The following ADAM22 variants were observed in gnomAD, a reference collection of about 807,000 sequenced individuals.
ADAM22 encodes the protein disintegrin and metalloproteinase domain-containing protein 22.
ADAM22 carries 65 observed loss-of-function variants against 144.6 expected under a neutral mutation model. The ratio of observed to expected loss-of-function variants is 0.45; its 90% CI spans 0.37 to 0.55. The LOEUF (loss-of-function observed/expected upper bound fraction) is 0.55, where lower values mean the gene tolerates loss of function less well. Among genes scored for constraint, ADAM22 ranks in the 20% least tolerant of loss-of-function variants. The pLI, the probability that ADAM22 is intolerant of heterozygous loss-of-function variation, is 0.00. For synonymous variants in ADAM22, 391 were observed against 412.6 expected, an observed-to-expected ratio of 0.95 and a Z score of 0.63; for missense variants, 974 against 1,184.9, an observed-to-expected ratio of 0.82 and a Z score of 2.61.
chr7:88,066,642 AAG>A (rs1290189280), intron 3 of ADAM22, among the ~76,000 whole-genome samples: 1 of 152,240 alleles, frequency 6.6e-6, no homozygotes, highest in South Asian at 2.1e-4. Context: ...ATCACCGAGG[AAG>A]AGAGTGTCAA....
At chr7:88,147,992 A>G (rs1837053486) in intron 17 of ADAM22, among the ~76,000 whole-genome samples, 1 of 152,180 alleles carries the variant, frequency 6.6e-6, no homozygotes, top group South Asian at 2.1e-4. Flanking sequence ...ACGTTATTAA[A>G]TATTTGATGA....
chr7:88,072,829 G>A (rs1236382781), intron 3 of ADAM22, among the ~76,000 whole-genome samples: 1 of 152,170 alleles, frequency 6.6e-6, no homozygotes, highest in Admixed American at 6.5e-5. Flanking sequence ...AAGGTTGGAG[G>A]ACAGTCCTTT....
At chr7:88,024,886 A>G (rs946143371) in intron 3 of ADAM22, among the ~76,000 whole-genome samples, 1 of 152,058 alleles carries the variant, frequency 6.6e-6, no homozygotes, top group Non-Finnish European at 1.5e-5. Context: ...TGAACTCATC[A>G]TTTTTTATGG....
chr7:88,029,810 G>C (rs978328469), intron 3 of ADAM22, among the ~76,000 whole-genome samples: 1 of 151,786 alleles, frequency 6.6e-6, no homozygotes, highest in African/African-American at 2.4e-5. Flanking sequence ...CTCTCTTCTA[G>C]CCTATAAGAT....
chr7:88,044,232 A>T (rs1803918649), intron 3 of ADAM22, among the ~76,000 whole-genome samples: 1 of 152,184 alleles, frequency 6.6e-6, no homozygotes, highest in South Asian at 2.1e-4. Flanking sequence ...AGTGGTTTAA[A>T]ATTAACTTAA....
At chr7:88,017,815 G>A (rs1275129725) in intron 3 of ADAM22, among the ~76,000 whole-genome samples, 2 of 151,804 alleles carry the variant, frequency 1.3e-5, no homozygotes. Context: ...ATATATATGT[G>A]TGTGTGTGTA....
intron 4 of ADAM22, among the ~76,000 whole-genome samples, chr7:88,077,516 T>C (rs1352236256): frequency 6.6e-6 from 1 of 152,156 alleles, no homozygotes; most frequent in Non-Finnish European, 1.5e-5. Context: ...GGGTGCAGTG[T>C]ACCGTGCGTG....
rs116271278 is a variant in ADAM22 at position 87,959,530 on chromosome 7, G to A, written c.247-18806G>A. Among the ~76,000 whole-genome samples the A allele has an allele frequency of 3.1e-3, 478 of 152,104 alleles. 3 individuals are homozygous for A. Among genetic ancestry groups the A allele is most frequent in the African/African-American group, 0.011 (442 of 41,498 alleles). Reference sequence around the variant, plus strand: ...CAATTTGCTCTCTGGTGCTAGTTTTGGATCTAGCTTTGGTCTCACTGCAGG... The same window carrying A: ...CAATTTGCTCTCTGGTGCTAGTTTTAGATCTAGCTTTGGTCTCACTGCAGG... On this transcript the variant is annotated intron_variant, in intron 2 of 31. Coordinates refer to ENST00000413139, the MANE Select transcript of ADAM22 (RefSeq NM_001324418.2).
chr7:88,177,298 A>C (rs1006831457), intron 26 of ADAM22, among the ~76,000 whole-genome samples: 5 of 151,984 alleles, frequency 3.3e-5, no homozygotes, highest in African/African-American at 1.2e-4. Flanking sequence ...CTAATGGAAT[A>C]TTTTACTGAT....
Position 88,162,097 on chromosome 7 carries a change from TACACACACACAC to T in ADAM22, c.1908-890_1908-879del, listed in dbSNP as rs61053925. Among the ~76,000 whole-genome samples, 685 of 136,830 alleles carry T rather than the reference TACACACACACAC, an allele frequency of 5.0e-3. 8 individuals are homozygous for T. The highest frequency in any genetic ancestry group is 0.015 in the African/African-American group (546 of 35,810). 89.8% of individuals were successfully genotyped at this position (136,830 alleles called of 152,430 possible). On this transcript the variant is annotated intron_variant, in intron 22 of 31. Transcript: ENST00000413139. ...CAGACTGGATAAAGAAAATGTGTAATACACACACACACACACACACACACACACACACACACC... is the reference window on the plus strand; with the variant it reads ...CAGACTGGATAAAGAAAATGTGTAATACACACACACACACACACACACACC...
chr7:88,154,618 T>C, intron 21 of ADAM22, among the ~76,000 whole-genome samples: 3 of 152,294 alleles, frequency 2.0e-5, no homozygotes, highest in Middle Eastern at 6.8e-3. Flanking sequence ...TCTTCTTATT[T>C]AGAGTATAAT....
intron 30 of ADAM22, among the ~76,000 whole-genome samples, chr7:88,186,931 T>G (rs974230965): frequency 2.0e-5 from 3 of 152,224 alleles, no homozygotes; most frequent in Non-Finnish European, 2.9e-5. Context: ...TTAGTGCATG[T>G]CCCTATCACC....
At chr7:87,995,060 C>T (rs1292272677) in intron 3 of ADAM22, among the ~76,000 whole-genome samples, 2 of 152,172 alleles carry the variant, frequency 1.3e-5, no homozygotes, top group Non-Finnish European at 2.9e-5. Flanking sequence ...CCTCGTGATC[C>T]ACTCGGCTCG....
At chr7:87,996,449 C>T (rs1484590076) in intron 3 of ADAM22, among the ~76,000 whole-genome samples, 1 of 152,154 alleles carries the variant, frequency 6.6e-6, no homozygotes, top group African/African-American at 2.4e-5. Context: ...TTTCATGTCT[C>T]TTCTTATAAG....
chr7:88,184,188 T>C (rs992439570), intron 29 of ADAM22: 1 of 198,640 alleles, frequency 5.0e-6, no homozygotes, highest in Non-Finnish European at 1.1e-5. Context: ...CCTCATATAT[T>C]GTATTGTTTT....
At chr7:87,997,420 A>T (rs1374770156) in intron 3 of ADAM22, among the ~76,000 whole-genome samples, 3 of 152,236 alleles carry the variant, frequency 2.0e-5, no homozygotes, top group African/African-American at 4.8e-5. Context: ...CATGGGTCAG[A>T]AGTCTGGGTA....
chr7:88,042,633 T>C (rs1249837170), intron 3 of ADAM22, among the ~76,000 whole-genome samples: 1 of 151,918 alleles, frequency 6.6e-6, no homozygotes, highest in East Asian at 1.9e-4. Flanking sequence ...TCCATTGACT[T>C]AGCATTTCTC....
intron 17 of ADAM22, among the ~76,000 whole-genome samples, chr7:88,147,574 G>A (rs894862156): frequency 6.6e-6 from 1 of 152,156 alleles, no homozygotes; most frequent in Non-Finnish European, 1.5e-5. Flanking sequence ...TGACCCATGG[G>A]CCACAGTTTG....
intron 14 of ADAM22, among the ~76,000 whole-genome samples, chr7:88,141,766 T>TTA (rs555940920): frequency 3.3e-5 from 5 of 152,052 alleles, no homozygotes; most frequent in African/African-American, 7.2e-5. Flanking sequence ...CACAGTTTAG[T>TTA]TATATATATA....
Sources: allele counts gnomAD v4.1 joint callset (sites outside exome capture counted in the v4.1 genomes callset), GRCh38; gene constraint gnomAD v4.1.1; transcripts MANE v1.5; gene names NCBI Gene and HGNC (gene_info 2026-07-23, HGNC 2026-07-21).